Variants in POU2AF2 observed in about 807,000 individuals in gnomAD.
The protein encoded by POU2AF2 is POU domain class 2-associating factor 2.
chr11:111,285,904 C>A, the POU2AF2 span: 1 of 1,613,844 alleles, frequency 6.2e-7, no homozygotes. Flanking sequence ...TCACCCCTTT[C>A]ATGACGGTGT....
the POU2AF2 span, among the ~76,000 whole-genome samples, chr11:111,257,378 G>A: frequency 1.1e-5 from 1 of 88,344 alleles, no homozygotes; most frequent in Non-Finnish European, 2.3e-5. Context: ...TTTTTTTTTT[G>A]AGATGGAGTC....
the POU2AF2 span, among the ~76,000 whole-genome samples, chr11:111,250,793 G>C: frequency 6.6e-6 from 1 of 152,176 alleles, no homozygotes; most frequent in Non-Finnish European, 1.5e-5. Flanking sequence ...AAATCATTTA[G>C]CCATGTGGAT....
the POU2AF2 span, among the ~76,000 whole-genome samples, chr11:111,251,114 G>C: frequency 2.4e-3 from 372 of 152,238 alleles, 2 homozygotes; most frequent in Middle Eastern, 0.02. Flanking sequence ...GTGGAAGCAG[G>C]AAAAACAGTT....
the POU2AF2 span, among the ~76,000 whole-genome samples, chr11:111,264,576 G>GA: frequency 0.023 from 574 of 24,642 alleles, 80 homozygotes; most frequent in African/African-American, 0.042. Flanking sequence ...AAGAAAGAAA[G>GA]GGAGAGAGAA....
the POU2AF2 span, among the ~76,000 whole-genome samples, chr11:111,276,497 C>G: frequency 9.5e-6 from 1 of 104,788 alleles, no homozygotes; most frequent in Admixed American, 9.9e-5. Context: ...CAAAAATTAG[C>G]TGGACATGGT....
chr11:111,259,271 C>T, the POU2AF2 span, among the ~76,000 whole-genome samples: 1 of 150,072 alleles, frequency 6.7e-6, no homozygotes, highest in Admixed American at 6.6e-5. Context: ...CAAAGCTGCA[C>T]AGTTTACAAG....
the POU2AF2 span, among the ~76,000 whole-genome samples, chr11:111,253,173 T>C: frequency 1.5e-3 from 233 of 152,304 alleles, 1 homozygote; most frequent in Non-Finnish European, 2.9e-3. Flanking sequence ...CTGACAACCA[T>C]TCAAATGTCA....
At chr11:111,260,013 T>G in the POU2AF2 span, among the ~76,000 whole-genome samples, 2 of 152,214 alleles carry the variant, frequency 1.3e-5, no homozygotes, top group African/African-American at 2.4e-5. Context: ...AGAATATCTG[T>G]AAATCTCAAG....
the POU2AF2 span, among the ~76,000 whole-genome samples, chr11:111,266,626 C>T: frequency 2.6e-5 from 4 of 152,160 alleles, no homozygotes; most frequent in Admixed American, 6.5e-5. Flanking sequence ...GTTCAGTTCT[C>T]TCTGGGATAA....
At chr11:111,286,391 T>A in the POU2AF2 span, 1 of 223,972 alleles carries the variant, frequency 4.5e-6, no homozygotes, top group Non-Finnish European at 8.6e-6. Flanking sequence ...TTAAAAAGTT[T>A]ATGCAGATCA....
At chr11:111,259,194 T>C in the POU2AF2 span, among the ~76,000 whole-genome samples, 3 of 152,130 alleles carry the variant, frequency 2.0e-5, no homozygotes, top group Non-Finnish European at 4.4e-5. Flanking sequence ...AACCCCGAGA[T>C]TGATATTTAC....
At chr11:111,251,950 T>C in the POU2AF2 span, among the ~76,000 whole-genome samples, 4 of 152,270 alleles carry the variant, frequency 2.6e-5, no homozygotes, top group Non-Finnish European at 5.9e-5. Context: ...TTTATTCCTC[T>C]ATTAATCACC....
At chr11:111,268,522 ATT>A in the POU2AF2 span, among the ~76,000 whole-genome samples, 4 of 90,496 alleles carry the variant, frequency 4.4e-5, no homozygotes, top group African/African-American at 1.5e-4. Flanking sequence ...ATTTTATTTT[ATT>A]TTATTTTATT....
At chr11:111,252,933 C>T in the POU2AF2 span, among the ~76,000 whole-genome samples, 1 of 152,172 alleles carries the variant, frequency 6.6e-6, no homozygotes, top group African/African-American at 2.4e-5. Flanking sequence ...TCCAGCCACC[C>T]CGCACTTCTG....
At chr11:111,276,453 A>AAAAAATTAT in the POU2AF2 span, among the ~76,000 whole-genome samples, 1 of 37,692 alleles carries the variant, frequency 2.7e-5, no homozygotes, top group Non-Finnish European at 5.0e-5. Context: ...AAAAAAAAAA[A>AAAAAATTAT]ATATATATAT....
the POU2AF2 span, among the ~76,000 whole-genome samples, chr11:111,264,491 C>CGAGA: frequency 1.2e-5 from 1 of 86,010 alleles, no homozygotes; most frequent in African/African-American, 4.6e-5. Flanking sequence ...GCAAGACTCA[C>CGAGA]GAAAGAAAGA....
the POU2AF2 span, among the ~76,000 whole-genome samples, chr11:111,279,119 G>A: frequency 5.3e-5 from 8 of 152,086 alleles, no homozygotes; most frequent in East Asian, 1.9e-4. Context: ...AGGACATCTC[G>A]GAGCCATGAT....
At chr11:111,250,082 C>G in the POU2AF2 span, among the ~76,000 whole-genome samples, 53,694 of 151,860 alleles carry the variant, frequency 0.35, 10,784 homozygotes, top group East Asian at 0.67. Context: ...AACCTCAAAG[C>G]CAACATATTA....
chr11:111,268,517 ATTTTATTTTATTTTATTTTATT>A, the POU2AF2 span, among the ~76,000 whole-genome samples: 30 of 91,770 alleles, frequency 3.3e-4, 1 homozygote, highest in African/African-American at 9.7e-4. Flanking sequence ...ATTTTATTTT[ATTTTATTTTATTTTATTTTATT>A]TTATTTTATT....
Sources: allele counts gnomAD v4.1 joint callset (sites outside exome capture counted in the v4.1 genomes callset), GRCh38; gene constraint gnomAD v4.1.1; transcripts MANE v1.5; gene names NCBI Gene and HGNC (gene_info 2026-07-23, HGNC 2026-07-21).